Variants in FAM124A observed in about 807,000 individuals in gnomAD.
FAM124A encodes family with sequence similarity 124 member A.
In FAM124A, 23 loss-of-function variants were observed where a neutral mutation model predicts 24.5. That is an observed-to-expected ratio of 0.94 (90% confidence interval 0.68 to 1.33). FAM124A has a LOEUF of 1.33. Ranked by LOEUF, FAM124A falls within the 40% of genes most tolerant of loss-of-function variation. The pLI, the probability that FAM124A is intolerant of heterozygous loss-of-function variation, is 0.00. For synonymous variants in FAM124A, 287 were observed against 314.7 expected (o/e 0.91, Z 0.93); for missense variants, 623 against 722.8 (o/e 0.86, Z 1.58).
chr13:51,226,963 G>A (rs1057450120), intron 1 of FAM124A, among the ~76,000 whole-genome samples: 2 of 152,182 alleles, frequency 1.3e-5, no homozygotes, highest in Non-Finnish European at 2.9e-5. Flanking sequence ...AGGATTAAAT[G>A]AGCATATATA....
chr13:51,263,896 A>G (rs1236275138), intron 3 of FAM124A, among the ~76,000 whole-genome samples: 1 of 152,250 alleles, frequency 6.6e-6, no homozygotes, highest in East Asian at 1.9e-4. Context: ...TGGAAGCCAA[A>G]TCAGAAAGAA....
intron 2 of FAM124A, among the ~76,000 whole-genome samples, chr13:51,242,402 A>G (rs867890858): frequency 3.0e-4 from 45 of 152,230 alleles, no homozygotes; most frequent in Non-Finnish European, 4.4e-4. Context: ...GCTGGGTGTC[A>G]GGCCTGCATT....
intron 2 of FAM124A, among the ~76,000 whole-genome samples, chr13:51,237,508 G>C (rs1156821990): frequency 6.6e-6 from 1 of 152,088 alleles, no homozygotes; most frequent in African/African-American, 2.4e-5. Flanking sequence ...AGGAGATTCA[G>C]GGTGAGCTGT....
intron 2 of FAM124A, among the ~76,000 whole-genome samples, chr13:51,247,542 A>T (rs1269304819): frequency 6.6e-6 from 1 of 152,224 alleles, no homozygotes; most frequent in Non-Finnish European, 1.5e-5. Context: ...GGGTGGGATT[A>T]GGACCTTGAA....
At chr13:51,231,044 C>T (rs1010776574) in intron 1 of FAM124A, among the ~76,000 whole-genome samples, 1 of 152,218 alleles carries the variant, frequency 6.6e-6, no homozygotes, top group Non-Finnish European at 1.5e-5. Flanking sequence ...AACTTTGGGG[C>T]TTCTCCCCAG....
chr13:51,253,442 T>A (rs1289589902), intron 3 of FAM124A: 1 of 152,246 alleles, frequency 6.6e-6, no homozygotes, highest in African/African-American at 2.4e-5. Context: ...AACTAAGTAA[T>A]GTTTTATTAT....
intron 2 of FAM124A, among the ~76,000 whole-genome samples, chr13:51,241,194 C>G (rs566090508): frequency 6.6e-6 from 1 of 152,220 alleles, no homozygotes; most frequent in African/African-American, 2.4e-5. Context: ...CTGCCATCCT[C>G]CCTGAAGCAG....
intron 3 of FAM124A, among the ~76,000 whole-genome samples, chr13:51,257,185 T>A (rs1049945635): frequency 1.3e-5 from 2 of 152,216 alleles, no homozygotes; most frequent in Non-Finnish European, 2.9e-5. Flanking sequence ...TTCAGTTCTT[T>A]TGCATGTATA....
At position 51,272,572 on chromosome 13, in the gene FAM124A, C is replaced by T. The variant is rs1407484604; in HGVS notation, c.835-7878C>T. The stretch of plus-strand genomic sequence containing the variant: ...TTTTGTAAATAAAGCCTTATACACA[C>T]ACACACACACACACACACACACCAG... On this transcript the variant is annotated intron_variant, in intron 3 of 3. Coordinates refer to ENST00000322475, the MANE Select transcript of FAM124A (RefSeq NM_001242312.2). This position sits in a 1 kb window ranked among gnomAD's most constrained non-coding sequence, Gnocchi z 4.2. Among the ~76,000 whole-genome samples the T allele has an allele frequency of 6.6e-6, 1 of 151,692 alleles. No homozygotes were observed. The highest frequency in any genetic ancestry group is 1.5e-5 in the Non-Finnish European group (1 of 67,920).
chr13:51,222,590 C>T (rs1356776508), intron 1 of FAM124A, 21 bp downstream of exon 1: 2 of 1,221,442 alleles, frequency 1.6e-6, no homozygotes, highest in Non-Finnish European at 2.0e-6. Flanking sequence ...CCGGGCCGGG[C>T]CGCGGGCGGG....
At position 51,258,041 on chromosome 13, in the gene FAM124A, T is replaced by G. The variant is rs73194194; in HGVS notation, c.834+5840T>G. On this transcript the variant is annotated intron_variant, in intron 3 of 3. Transcript: ENST00000322475. This position sits in a 1 kb window ranked among gnomAD's most constrained non-coding sequence, Gnocchi z 4.2. ...GGTTGTGAGGAAGAATCTGTTCCATTCCTCTCCCCAGCCTGCTGTTGCACT... is the reference window on the plus strand; with the variant it reads ...GGTTGTGAGGAAGAATCTGTTCCATGCCTCTCCCCAGCCTGCTGTTGCACT... Among the ~76,000 whole-genome samples, 31,100 of 152,176 alleles carry G rather than the reference T, an allele frequency of 0.2. 3,527 individuals carry two copies. The highest frequency in any genetic ancestry group is 0.51 in the East Asian group (2,630 of 5,174).
intron 3 of FAM124A, among the ~76,000 whole-genome samples, chr13:51,277,542 C>A (rs1954895928): frequency 6.6e-6 from 1 of 152,210 alleles, no homozygotes; most frequent in African/African-American, 2.4e-5. Context: ...CGCCTGTAAT[C>A]CCAGCACTTT....
At chr13:51,255,672 C>T (rs886233163) in intron 3 of FAM124A, among the ~76,000 whole-genome samples, 3 of 152,172 alleles carry the variant, frequency 2.0e-5, no homozygotes, top group Non-Finnish European at 2.9e-5. Context: ...TGTGCTCAGC[C>T]GCACCTCTCC....
At chr13:51,275,826 C>T (rs938261858) in intron 3 of FAM124A, among the ~76,000 whole-genome samples, 6 of 152,176 alleles carry the variant, frequency 3.9e-5, no homozygotes, top group East Asian at 1.9e-4. Flanking sequence ...CTACTAAAGC[C>T]GCAAACATGC....
In FAM124A at chr13:51,280,448, A is replaced by T. The variant is rs775794907; in HGVS notation, c.835-2A>T. Reference sequence around the variant, plus strand: ...TAATGTGATCTGCCTCTCCCCCCACAGGCACAAAGGGTGCATAAGAAGTTT... The same window carrying T: ...TAATGTGATCTGCCTCTCCCCCCACTGGCACAAAGGGTGCATAAGAAGTTT... On this transcript the variant is annotated splice_acceptor_variant, in intron 3 of 3. Transcript: ENST00000322475. LOFTEE classifies it high-confidence loss of function. The T allele has an allele frequency of 6.3e-7, 1 of 1,583,874 alleles. No individual in the cohort carries two copies.
chr13:51,257,395 G>A (rs146991685), intron 3 of FAM124A, among the ~76,000 whole-genome samples: 1 of 152,348 alleles, frequency 6.6e-6, no homozygotes, highest in Non-Finnish European at 1.5e-5. Context: ...ACTAGGAGGT[G>A]CAGAAAGTGA....
chr13:51,261,615 T>C (rs1954739456), intron 3 of FAM124A, among the ~76,000 whole-genome samples: 1 of 152,088 alleles, frequency 6.6e-6, no homozygotes, highest in Non-Finnish European at 1.5e-5. Flanking sequence ...TTTTAAGCAA[T>C]GTTTTCTGCT....
chr13:51,227,203 G>A (rs1282543246), intron 1 of FAM124A: 1 of 152,174 alleles, frequency 6.6e-6, no homozygotes, highest in Non-Finnish European at 1.5e-5. Context: ...GCATCTGAGA[G>A]ACTACAGGGC....
At position 51,282,180 on chromosome 13, in the gene FAM124A, G is replaced by C. The variant is rs1214968814; in HGVS notation, c.*924G>C. On this transcript the variant is annotated 3_prime_UTR_variant, in exon 4 of 4. Coordinates refer to ENST00000322475, the MANE Select transcript of FAM124A (RefSeq NM_001242312.2). The stretch of plus-strand genomic sequence containing the variant: ...ATATTCAAATGACAAGAGCCGCACT[G>C]TATACTGCTTTCTGCAGTGACCATG... 6.6e-6 allele frequency: 1 copy of C among 152,216 alleles called. No homozygotes were observed. Among genetic ancestry groups the C allele is most frequent in the East Asian group, 1.9e-4 (1 of 5,196 alleles). 9.4% of individuals were successfully genotyped at this position (152,216 alleles called of 1,614,324 possible). A position where few individuals can be genotyped will look rare whatever the true frequency, so the allele number is the denominator to read the frequency against.
Sources: allele counts gnomAD v4.1 joint callset (sites outside exome capture counted in the v4.1 genomes callset), GRCh38; gene constraint gnomAD v4.1.1; non-coding constraint Gnocchi (gnomAD v3.1); transcripts MANE v1.5; gene names NCBI Gene and HGNC (gene_info 2026-07-23, HGNC 2026-07-21).